The following HS6ST3 variants were observed in gnomAD, a reference collection of about 807,000 sequenced individuals.
HS6ST3 encodes the protein heparan sulfate 6-O-sulfotransferase 3, also known as heparan-sulfate 6-O-sulfotransferase 3.
HS6ST3 carries 12 observed loss-of-function variants against 36.7 expected under a neutral mutation model. That is an observed-to-expected ratio of 0.33 (90% confidence interval 0.21 to 0.53). HS6ST3 has a LOEUF of 0.53. Among genes scored for constraint, HS6ST3 ranks in the 20% least tolerant of loss-of-function variants. The pLI, the probability that HS6ST3 is intolerant of heterozygous loss-of-function variation, is 0.95. For synonymous variants in HS6ST3, 240 were observed against 257.5 expected (o/e 0.93, Z 0.65); for missense variants, 584 against 640.9 (o/e 0.91, Z 0.96).
At chr13:96,462,392 C>G (rs765309727) in intron 1 of HS6ST3, among the ~76,000 whole-genome samples, 14 of 152,014 alleles carry the variant, frequency 9.2e-5, no homozygotes, top group Non-Finnish European at 2.1e-4. Context: ...AATAGAATGA[C>G]AAAAAAGGAA....
intron 1 of HS6ST3, among the ~76,000 whole-genome samples, chr13:96,476,336 T>G (rs533191474): frequency 6.6e-6 from 1 of 152,210 alleles, no homozygotes; most frequent in South Asian, 2.1e-4. Flanking sequence ...TAGACTTGAA[T>G]GATTCCTTGA....
intron 1 of HS6ST3, among the ~76,000 whole-genome samples, chr13:96,135,879 C>T (rs1026911887): frequency 6.6e-6 from 1 of 152,144 alleles, no homozygotes; most frequent in Admixed American, 6.5e-5. Context: ...AGCATTTTCA[C>T]TGAGCACCTC....
intron 1 of HS6ST3, among the ~76,000 whole-genome samples, chr13:96,431,221 AAACAAACAACAAC>A (rs1270571885): frequency 1.0e-5 from 1 of 99,544 alleles, no homozygotes; most frequent in East Asian, 2.9e-4. Flanking sequence ...AAAAACAAAC[AAACAAACAACAAC>A]AACAACAACA....
chr13:96,748,505 A>G (rs765142288), intron 1 of HS6ST3, among the ~76,000 whole-genome samples: 36 of 152,134 alleles, frequency 2.4e-4, no homozygotes, highest in Non-Finnish European at 4.6e-4. Context: ...CTTACACAGG[A>G]ACAGTCTAAC....
At chr13:96,580,047 G>C (rs577121672) in intron 1 of HS6ST3, among the ~76,000 whole-genome samples, 1 of 151,898 alleles carries the variant, frequency 6.6e-6, no homozygotes, top group Admixed American at 6.6e-5. Flanking sequence ...AATACCTTAA[G>C]ATTTAAACTA....
At chr13:96,686,168 T>C (rs1043634747) in intron 1 of HS6ST3, among the ~76,000 whole-genome samples, 1 of 152,124 alleles carries the variant, frequency 6.6e-6, no homozygotes, top group African/African-American at 2.4e-5. Context: ...ATTCAGGGTC[T>C]CATTTTCCTT....
intron 1 of HS6ST3, among the ~76,000 whole-genome samples, chr13:96,564,148 C>A (rs1189158192): frequency 1.3e-5 from 2 of 152,112 alleles, no homozygotes; most frequent in African/African-American, 4.8e-5. Context: ...TGAAAGTTTC[C>A]ACAGAGCATG....
chr13:96,341,631 T>C (rs1263757030), intron 1 of HS6ST3, among the ~76,000 whole-genome samples: 2 of 152,070 alleles, frequency 1.3e-5, no homozygotes, highest in East Asian at 3.9e-4. Flanking sequence ...CTACCTGGGG[T>C]GTCCACTTAA....
intron 1 of HS6ST3, among the ~76,000 whole-genome samples, chr13:96,818,773 C>T (rs1878473878): frequency 6.6e-6 from 1 of 152,176 alleles, no homozygotes; most frequent in African/African-American, 2.4e-5. Flanking sequence ...TGGAAAATTC[C>T]AAGCTCCCAC....
intron 1 of HS6ST3, among the ~76,000 whole-genome samples, chr13:96,119,134 C>G (rs2053913038): frequency 6.6e-6 from 1 of 152,122 alleles, no homozygotes. Context: ...CAACTTAAAA[C>G]CTTTATAGTA....
At chr13:96,827,915 A>C (rs1220628491) in intron 1 of HS6ST3, among the ~76,000 whole-genome samples, 1 of 152,222 alleles carries the variant, frequency 6.6e-6, no homozygotes, top group Non-Finnish European at 1.5e-5. Context: ...AACAAGTCCC[A>C]AAATAGGACT....
intron 1 of HS6ST3, among the ~76,000 whole-genome samples, chr13:96,798,554 A>G (rs1420434839): frequency 1.3e-5 from 2 of 152,088 alleles, no homozygotes; most frequent in African/African-American, 2.4e-5. Flanking sequence ...ACAACATCAC[A>G]GGGATCCTAT....
chr13:96,142,709 G>A (rs2054037908), intron 1 of HS6ST3, among the ~76,000 whole-genome samples: 4 of 152,008 alleles, frequency 2.6e-5, no homozygotes, highest in Non-Finnish European at 5.9e-5. Flanking sequence ...TAGAAATGTG[G>A]TAAACATATA....
At chr13:96,171,075 T>C (rs2054185366) in intron 1 of HS6ST3, among the ~76,000 whole-genome samples, 1 of 152,212 alleles carries the variant, frequency 6.6e-6, no homozygotes, top group South Asian at 2.1e-4. Context: ...TATGAAGAAA[T>C]GTTGAAGCTA....
At chr13:96,693,648 T>C (rs1438479347) in intron 1 of HS6ST3, among the ~76,000 whole-genome samples, 1 of 152,180 alleles carries the variant, frequency 6.6e-6, no homozygotes, top group African/African-American at 2.4e-5. Flanking sequence ...GTAATCCAAA[T>C]TGTTTCAGCT....
intron 1 of HS6ST3, among the ~76,000 whole-genome samples, chr13:96,756,180 A>T (rs1876827607): frequency 6.6e-6 from 1 of 151,930 alleles, no homozygotes; most frequent in Non-Finnish European, 1.5e-5. Context: ...TCTTTCCCCC[A>T]TTATTAATTG....
At chr13:96,355,552 G>A (rs1462052028) in intron 1 of HS6ST3, among the ~76,000 whole-genome samples, 1 of 152,044 alleles carries the variant, frequency 6.6e-6, no homozygotes, top group Non-Finnish European at 1.5e-5. Context: ...GTATACTATG[G>A]TCTATTAAGT....
intron 1 of HS6ST3, among the ~76,000 whole-genome samples, chr13:96,345,206 G>A (rs1029990804): frequency 1.3e-5 from 2 of 152,300 alleles, no homozygotes; most frequent in African/African-American, 2.4e-5. Context: ...TGAGCTCATA[G>A]TGCCTGTTTT....
intron 1 of HS6ST3, among the ~76,000 whole-genome samples, chr13:96,333,742 G>A (rs755167721): frequency 6.6e-6 from 1 of 152,080 alleles, no homozygotes; most frequent in East Asian, 1.9e-4. Context: ...TTGATGGCAG[G>A]ACACTCCACA....
Sources: allele counts gnomAD v4.1 joint callset (sites outside exome capture counted in the v4.1 genomes callset), GRCh38; gene constraint gnomAD v4.1.1; transcripts MANE v1.5; gene names NCBI Gene and HGNC (gene_info 2026-07-23, HGNC 2026-07-21).